PLEKHB1: variants seen among roughly 807,000 people sequenced by gnomAD.
The protein encoded by PLEKHB1 is pleckstrin homology domain-containing family B member 1.
In PLEKHB1, 29 loss-of-function variants were observed where a neutral mutation model predicts 36.2. The observed-to-expected ratio is 0.80, with a 90% CI of 0.60 to 1.09. The LOEUF is 1.09. Among genes scored for constraint, PLEKHB1 ranks in the 50% least tolerant of loss-of-function variants. PLEKHB1 has a pLI of 0.00. For missense variants in PLEKHB1, 330 were observed against 348.2 expected (o/e 0.95, Z 0.42); for synonymous variants, 138 against 140.0 (o/e 0.99, Z 0.10).
intron 6 of PLEKHB1, among the ~76,000 whole-genome samples, chr11:73,657,285 A>T (rs1424493569): frequency 6.6e-6 from 1 of 152,168 alleles, no homozygotes; most frequent in African/African-American, 2.4e-5. Flanking sequence ...GGGTCACTCA[A>T]CTCATCAATG....
At chr11:73,655,717 A>C in intron 5 of PLEKHB1, 86 bp from the exon 6 acceptor site, 1 of 1,198,940 alleles carries the variant, frequency 8.3e-7, no homozygotes, top group Non-Finnish European at 1.2e-6. Context: ...AGGGTCTGGA[A>C]AGAGCTCTTG....
At chr11:73,657,507 G>A (rs1051115014) in intron 6 of PLEKHB1, among the ~76,000 whole-genome samples, 16 of 152,150 alleles carry the variant, frequency 1.1e-4, no homozygotes, top group African/African-American at 3.6e-4. Context: ...CTCTGGAGAG[G>A]GAGAGGCAGG....
chr11:73,649,322 T>C (rs1025058530), intron 2 of PLEKHB1, among the ~76,000 whole-genome samples: 13 of 152,116 alleles, frequency 8.5e-5, no homozygotes, highest in Non-Finnish European at 1.9e-4. Flanking sequence ...TCTCTGGCTT[T>C]TCCTCTGGCC....
intron 1 of PLEKHB1, chr11:73,648,662 C>T: frequency 9.7e-7 from 1 of 1,030,130 alleles, no homozygotes; most frequent in Non-Finnish European, 1.2e-6. Flanking sequence ...GAGCTCCTCC[C>T]TCCAGCCTCT....
intron 3 of PLEKHB1, among the ~76,000 whole-genome samples, chr11:73,651,055 CAGG>C (rs984613375): frequency 1.3e-5 from 2 of 150,860 alleles, no homozygotes; most frequent in African/African-American, 4.9e-5. Context: ...GAGGCCGAGG[CAGG>C]AGAATTGCTT....
intron 5 of PLEKHB1, among the ~76,000 whole-genome samples, chr11:73,654,988 C>A (rs1358132591): frequency 6.6e-6 from 1 of 152,120 alleles, no homozygotes; most frequent in Non-Finnish European, 1.5e-5. Context: ...GAGGCTACAG[C>A]AGTAGTCTGC....
chr11:73,653,054 A>G, intron 5 of PLEKHB1, 40 bp downstream of exon 5: 25 of 1,583,668 alleles, frequency 1.6e-5, no homozygotes, highest in Non-Finnish European at 2.1e-5. Context: ...CACCACCTCC[A>G]TGTGCCATGG....
At position 73,652,979 on chromosome 11, in the gene PLEKHB1, T is replaced by C. The variant is rs1944925962; in HGVS notation, c.355T>C (p.Trp119Arg). 2.5e-6 allele frequency: 4 copies of C among 1,610,040 alleles called. No individual in the cohort carries two copies. Among genetic ancestry groups the C allele is most frequent in the East Asian group, 4.5e-5 (2 of 44,726 alleles). ...CAETKDDALA[W>R]KTALLEANST... is the part of the protein sequence containing the mutation. ...CTGGTGGGATTTGCTTTGCAGAGCATGGAAGACAGCACTGCTGGAGGCAAA... is the reference window on the plus strand; with the variant it reads ...CTGGTGGGATTTGCTTTGCAGAGCACGGAAGACAGCACTGCTGGAGGCAAA... The change falls in exon 5 of 8, where the codon TGG becomes CGG. Residue 119 changes from tryptophan (W) to arginine (R), a missense_variant. Trp to Arg is a moderately radical substitution (Grantham distance 101). Coordinates refer to ENST00000354190, the MANE Select transcript of PLEKHB1 (RefSeq NM_021200.3).
At position 73,661,077 on chromosome 11, in the gene PLEKHB1, T is replaced by C. The variant is rs1042411867; in HGVS notation, c.595+225T>C. Among the ~76,000 whole-genome samples, 17 of 152,356 alleles carry C rather than the reference T, an allele frequency of 1.1e-4. No individual in the cohort carries two copies. Among genetic ancestry groups the C allele is most frequent in the Non-Finnish European group, 1.6e-4 (11 of 68,030 alleles). ...CCCTTCTGGGATGGCTCCTCAGCCC[T>C]GCGGTCGGCAATACCCATTCCTGAG... is the stretch of plus-strand genomic sequence containing the variant. On this transcript the variant is annotated intron_variant, in intron 7 of 7. Transcript: ENST00000354190. This position sits in a 1 kb window ranked among gnomAD's most constrained non-coding sequence, Gnocchi z 4.6.
In PLEKHB1 at chr11:73,662,438, G is replaced by C. The variant is rs1945145568; in HGVS notation, c.*836G>C. The C allele has an allele frequency of 6.6e-6, 1 of 152,382 alleles. No individual in the cohort carries two copies. The highest frequency in any genetic ancestry group is 2.4e-5 in the African/African-American group (1 of 41,432). 9.4% of individuals were successfully genotyped at this position (152,382 alleles called of 1,614,324 possible). On this transcript the variant is annotated 3_prime_UTR_variant, in exon 8 of 8. Coordinates refer to ENST00000354190, the MANE Select transcript of PLEKHB1 (RefSeq NM_021200.3). The stretch of plus-strand genomic sequence containing the variant: ...TGGGGAACAGGTGAGTTCTATTTGA[G>C]ACTTCCAGCCCTAGAAAGCTGCCTC...
At chr11:73,647,887 C>G in intron 1 of PLEKHB1, 7 of 982,294 alleles carry the variant, frequency 7.1e-6, no homozygotes, top group Non-Finnish European at 7.3e-6. Context: ...CCTTGTTACG[C>G]AGCAACAGGT....
chr11:73,648,709 CTG>C (rs1378958404), intron 1 of PLEKHB1: 2 of 1,109,292 alleles, frequency 1.8e-6, no homozygotes, highest in Non-Finnish European at 2.2e-6. Flanking sequence ...GATCTAGAAA[CTG>C]AGACCAGGAC....
intron 6 of PLEKHB1, 51 bp downstream of exon 6, chr11:73,655,958 C>T: frequency 6.7e-7 from 1 of 1,497,690 alleles, no homozygotes; most frequent in South Asian, 1.1e-5. Flanking sequence ...CCAGGATGAG[C>T]CTCCAAAACC....
chr11:73,654,332 GC>G (rs1590796073), intron 5 of PLEKHB1, among the ~76,000 whole-genome samples: 1 of 152,188 alleles, frequency 6.6e-6, no homozygotes, highest in South Asian at 2.1e-4. Context: ...GCACAATGGA[GC>G]CCCCTCTCAC....
Position 73,651,804 on chromosome 11 carries a change from G to A in PLEKHB1, c.264G>A (p.Glu88=), listed in dbSNP as rs113230147. The change falls in exon 4 of 8, where the codon GAG becomes GAA. Residue 88 remains glutamate, a synonymous_variant. Coordinates refer to ENST00000354190, the MANE Select transcript of PLEKHB1 (RefSeq NM_021200.3). ...GPECHDVQPP[E]GRSRDGLLTV... is the part of the protein sequence containing the mutation. Reference sequence around the variant, plus strand: ...TGCTTCCAGATGTGCAGCCCCCAGAGGGCCGGAGCCGAGATGGCCTGCTGA... The same window carrying A: ...TGCTTCCAGATGTGCAGCCCCCAGAAGGCCGGAGCCGAGATGGCCTGCTGA... 5.9e-3 allele frequency: 9,464 copies of A among 1,613,596 alleles called. 45 individuals are homozygous for A. The highest frequency in any genetic ancestry group is 7.4e-3 in the Non-Finnish European group (8,733 of 1,179,818).
At chr11:73,646,729 T>C in intron 1 of PLEKHB1, 103 bp downstream of exon 1, 1 of 1,274,280 alleles carries the variant, frequency 7.8e-7, no homozygotes, top group Non-Finnish European at 1.1e-6. Flanking sequence ...TGACATCCTC[T>C]GGTCTCTGAA....
At chr11:73,652,144 A>T (rs933103316) in intron 4 of PLEKHB1, 3 of 514,860 alleles carry the variant, frequency 5.8e-6, no homozygotes, top group African/African-American at 3.9e-5. Flanking sequence ...TGCCTCAGGT[A>T]TCTGGTTCCT....
At chr11:73,650,246 G>A (rs1209955102) in intron 2 of PLEKHB1, among the ~76,000 whole-genome samples, 1 of 152,202 alleles carries the variant, frequency 6.6e-6, no homozygotes, top group Non-Finnish European at 1.5e-5. Context: ...GCAGGCTTAA[G>A]GTAGGGAGAG....
In PLEKHB1 at chr11:73,661,496, A is replaced by C. The variant is rs371436162; in HGVS notation, c.626A>C (p.Glu209Ala). 6.2e-7 allele frequency: 1 copy of C among 1,613,704 alleles called. No individual in the cohort carries two copies. The change falls in exon 8 of 8, where the codon GAG becomes GCG. Residue 209 changes from glutamate (E) to alanine (A), a missense_variant. Coordinates refer to ENST00000354190, the MANE Select transcript of PLEKHB1 (RefSeq NM_021200.3). The surrounding 1 kb of genome is among the most constrained non-coding windows in gnomAD (Gnocchi z 4.6). ...GGCGTGACGCACGTGATAGTGCGGG[A>C]GGATCCCTGCTACAGCGCCGGCGCC... ...GPGVTHVIVR[E>A]DPCYSAGAPL...
Sources: gnomAD v4.1 joint callset for allele counts (sites outside exome capture counted in the v4.1 genomes callset) on GRCh38, gnomAD v4.1.1 for gene constraint, Gnocchi (gnomAD v3.1) non-coding constraint, MANE v1.5 for transcripts, NCBI Gene and HGNC (gene_info 2026-07-23, HGNC 2026-07-21) for gene names.